RP1: variants seen among roughly 807,000 people sequenced by gnomAD.
The protein encoded by RP1 is RP1 axonemal microtubule associated.
A neutral mutation model predicts 14.8 loss-of-function variants in RP1; 16 were observed. That is an observed-to-expected ratio of 1.08 (90% confidence interval 0.73 to 1.65). The LOEUF is 1.65. Among genes scored for constraint, RP1 ranks in the 40% most tolerant of loss-of-function variants. The pLI is 0.00. For synonymous variants in RP1, 876 were observed against 883.6 expected (o/e 0.99, Z 0.15); for missense variants, 2,631 against 2,535.0 (o/e 1.04, Z -0.81).
chr8:54,836,385 AATTAAGGTT>A (rs1177396466), intron 24 of RP1, among the ~76,000 whole-genome samples: 3 of 152,210 alleles, frequency 2.0e-5, no homozygotes, highest in Non-Finnish European at 2.9e-5. Flanking sequence ...CGCAGAACGT[AATTAAGGTT>A]ACTAATTAGC....
intron 24 of RP1, among the ~76,000 whole-genome samples, chr8:54,808,876 G>A (rs548649795): frequency 3.2e-4 from 49 of 152,220 alleles, no homozygotes; most frequent in Middle Eastern, 6.8e-3. Context: ...ACCTAGATCA[G>A]CTTCACAGAG....
At chr8:54,615,681 G>A (rs1805699686), upstream of RP1, among the ~76,000 whole-genome samples, 1 of 152,152 alleles carries the variant, frequency 6.6e-6, no homozygotes, top group African/African-American at 2.4e-5. Flanking sequence ...AAGCAAGAGT[G>A]CCTAAATAAA....
chr8:54,585,468 A>T (rs1213453309), intron 1 of RP1, among the ~76,000 whole-genome samples: 2 of 151,958 alleles, frequency 1.3e-5, no homozygotes, highest in African/African-American at 4.8e-5. Context: ...TCTGACAATT[A>T]TGTGTCTTGG....
At chr8:54,704,290 T>C (rs935827704) in intron 14 of RP1, among the ~76,000 whole-genome samples, 7 of 152,180 alleles carry the variant, frequency 4.6e-5, no homozygotes, top group African/African-American at 1.4e-4. Flanking sequence ...GGTTATTGAT[T>C]AGACTAATTT....
In RP1 at chr8:54,700,348, A is replaced by G. The variant is rs147424424; in HGVS notation, c.1821+778A>G. On this transcript the variant is annotated intron_variant, in intron 13 of 22. Coordinates refer to the RP1 transcript ENST00000636932. The stretch of plus-strand genomic sequence containing the variant: ...CTCAGCCTCCCAAAATACTGGCATT[A>G]CAGGCTGATTTCAACTCATGGGATG... Among the ~76,000 whole-genome samples the G allele has an allele frequency of 9.2e-5, 14 of 152,130 alleles. No homozygotes were observed. In the East Asian group the frequency reaches 2.1e-3, roughly 23 times the overall value.
In RP1 at chr8:54,846,510, A is replaced by G. The variant is rs377608728; in HGVS notation, c.3836-6064A>G. On this transcript the variant is annotated intron_variant, in intron 25 of 28. Coordinates refer to the RP1 transcript ENST00000637698. ...TGCATTTGGTAACACTCATCAAACT[A>G]TATCTTAAAAGTGAAATTTACTGCA... Among the ~76,000 whole-genome samples, 349 of 152,336 alleles carry G rather than the reference A, an allele frequency of 2.3e-3. 15 individuals carry two copies. The South Asian group carries it at 0.067, about 29-fold the overall frequency.
chr8:54,760,833 T>A (rs1809621134), intron 22 of RP1, among the ~76,000 whole-genome samples: 1 of 152,196 alleles, frequency 6.6e-6, no homozygotes, highest in Non-Finnish European at 1.5e-5. Context: ...CCAATTCCAA[T>A]TTGGCCTGTA....
rs558297715 is a variant in RP1 at position 54,696,980 on chromosome 8, C to T, written c.1718-2487C>T. 2.4e-4 allele frequency: 327 copies of T among 1,359,574 alleles called. 2 individuals carry two copies. In the African/African-American group the frequency reaches 3.8e-3, roughly 16 times the overall value. 84.2% of individuals were successfully genotyped at this position (1,359,574 alleles called of 1,614,324 possible). ...AGACCTCATTCATGAAATTGCCTTCCCAGGGAATCATTTCCAGGAGATCTC... is the reference window on the plus strand; with the variant it reads ...AGACCTCATTCATGAAATTGCCTTCTCAGGGAATCATTTCCAGGAGATCTC... On this transcript the variant is annotated intron_variant, in intron 12 of 22. Transcript: ENST00000636932.
At chr8:54,808,141 T>C (rs1376995219) in intron 24 of RP1, among the ~76,000 whole-genome samples, 1 of 152,130 alleles carries the variant, frequency 6.6e-6, no homozygotes, top group East Asian at 1.9e-4. Context: ...GCTTATAGAA[T>C]ATGGGGTTCA....
At chr8:54,862,910 T>C (rs1333846796) in intron 27 of RP1, among the ~76,000 whole-genome samples, 2 of 152,058 alleles carry the variant, frequency 1.3e-5, no homozygotes, top group Admixed American at 1.3e-4. Flanking sequence ...GTATCTTCTC[T>C]AGTTAGTGTT....
At chr8:54,708,772 T>G (rs1808223726) in intron 15 of RP1, among the ~76,000 whole-genome samples, 1 of 152,056 alleles carries the variant, frequency 6.6e-6, no homozygotes, top group African/African-American at 2.4e-5. Flanking sequence ...TGAGTAAACT[T>G]CCTCTGTAAG....
At chr8:54,699,600 A>G (rs1807963772) in intron 13 of RP1, 2 of 1,053,546 alleles carry the variant, frequency 1.9e-6, no homozygotes, top group South Asian at 4.8e-5. Flanking sequence ...TTTGCCATAT[A>G]TCAATAGTAT....
intron 25 of RP1, among the ~76,000 whole-genome samples, chr8:54,841,575 C>G (rs2280005): frequency 0.35 from 53,132 of 152,082 alleles, 9,401 homozygotes; most frequent in Non-Finnish European, 0.38. Flanking sequence ...GGCTGAGCTA[C>G]ATTGCTGGTG....
chr8:54,700,090 A>G (rs1807976347), intron 13 of RP1, among the ~76,000 whole-genome samples: 1 of 152,190 alleles, frequency 6.6e-6, no homozygotes, highest in African/African-American at 2.4e-5. Flanking sequence ...AGGAACATGA[A>G]AAATAGGATT....
chr8:54,730,788 T>C (rs1372799247), intron 17 of RP1, among the ~76,000 whole-genome samples: 2 of 152,114 alleles, frequency 1.3e-5, no homozygotes, highest in African/African-American at 4.8e-5. Flanking sequence ...TCCTGTGCTT[T>C]GTATCCCTTA....
rs2129316598 is a variant in RP1, at chr8:54,626,265, A to G, written c.2383A>G (p.Ile795Val). Residue 795 changes from isoleucine to valine, a missense_variant, in exon 4 of 4, where the codon ATC becomes GTC. By Grantham distance (29) the Ile-to-Val change is conservative. Transcript: ENST00000220676. ...ISLGAPKKRE[I>V]GQRDKVFPHN... Reference sequence around the variant, plus strand: ...CTTAGGAGCACCTAAAAAAAGAGAAATCGGTCAAAGAGATAAAGTGTTTCC... The same window carrying G: ...CTTAGGAGCACCTAAAAAAAGAGAAGTCGGTCAAAGAGATAAAGTGTTTCC... The G allele has an allele frequency of 1.2e-6, 2 of 1,613,416 alleles. No homozygotes were observed. Among genetic ancestry groups the G allele is most frequent in the East Asian group, 2.2e-5 (1 of 44,786 alleles).
intron 19 of RP1, among the ~76,000 whole-genome samples, chr8:54,743,005 A>T (rs1232344042): frequency 6.6e-6 from 1 of 152,214 alleles, no homozygotes; most frequent in Non-Finnish European, 1.5e-5. Context: ...TGAAGAGTAA[A>T]GTGGGTAGAA....
intron 1 of RP1, among the ~76,000 whole-genome samples, chr8:54,568,789 A>G (rs1277712683): frequency 6.6e-6 from 1 of 152,226 alleles, no homozygotes; most frequent in African/African-American, 2.4e-5. Flanking sequence ...AGTTTCCTCC[A>G]CATAGTCACC....
intron 1 of RP1, among the ~76,000 whole-genome samples, chr8:54,581,659 C>T (rs1339358136): frequency 6.6e-6 from 1 of 152,168 alleles, no homozygotes; most frequent in African/African-American, 2.4e-5. Context: ...ACATCCTCTC[C>T]AGCACCTGTT....
Sources: allele counts gnomAD v4.1 joint callset (sites outside exome capture counted in the v4.1 genomes callset), GRCh38; gene constraint gnomAD v4.1.1; transcripts MANE v1.5; gene names NCBI Gene and HGNC (gene_info 2026-07-23, HGNC 2026-07-21).